The following GLIS1 variants were observed in gnomAD, a reference collection of about 807,000 sequenced individuals.
The protein encoded by GLIS1 is GLIS family zinc finger 1, also known as zinc finger protein GLIS1.
Under a neutral mutation model 63.8 loss-of-function variants are expected in GLIS1, and 24 were observed. That is an observed-to-expected ratio of 0.38 (90% CI 0.27 to 0.53). The LOEUF (loss-of-function observed/expected upper bound fraction) is 0.53. Among genes scored for constraint, GLIS1 ranks in the 20% least tolerant of loss-of-function variants. GLIS1 has a pLI of 0.85. For missense variants in GLIS1, 1,036 were observed against 1,074.1 expected (o/e 0.96, Z 0.50); for synonymous variants, 450 against 482.5 (o/e 0.93, Z 0.88).
intron 4 of GLIS1, among the ~76,000 whole-genome samples, chr1:53,571,000 C>A (rs1200830774): frequency 6.6e-6 from 1 of 151,970 alleles, no homozygotes; most frequent in African/African-American, 2.4e-5. Flanking sequence ...AAAAAAAATA[C>A]CATCAGGAAA....
At chr1:53,596,877 C>CTGCAG (rs1198719069) in intron 3 of GLIS1, among the ~76,000 whole-genome samples, 2 of 152,108 alleles carry the variant, frequency 1.3e-5, no homozygotes, top group Admixed American at 6.5e-5. Context: ...GGCTCAGGAA[C>CTGCAG]TGCAGTCTGA....
chr1:53,512,810 C>T (rs1198508015), intron 8 of GLIS1, among the ~76,000 whole-genome samples: 1 of 151,820 alleles, frequency 6.6e-6, no homozygotes, highest in African/African-American at 2.4e-5. Context: ...GCCCAAGCAG[C>T]GAACGGCCTT....
At chr1:53,643,036 T>A (rs1158308418) in intron 2 of GLIS1, among the ~76,000 whole-genome samples, 2 of 152,208 alleles carry the variant, frequency 1.3e-5, no homozygotes, top group Admixed American at 1.3e-4. Flanking sequence ...GCCTGCAGAC[T>A]GTGGTCTGAG....
chr1:53,672,288 T>C (rs556771457), intron 2 of GLIS1, among the ~76,000 whole-genome samples: 1 of 152,180 alleles, frequency 6.6e-6, no homozygotes, highest in African/African-American at 2.4e-5. Flanking sequence ...CTGGCCTCCA[T>C]CACCTTGGGC....
At chr1:53,579,706 A>ATGGGGGCAGCCG (rs1209621990) in intron 4 of GLIS1, among the ~76,000 whole-genome samples, 1 of 152,324 alleles carries the variant, frequency 6.6e-6, no homozygotes, top group Non-Finnish European at 1.5e-5. Flanking sequence ...GGGGGCAGCC[A>ATGGGGGCAGCCG]TGGGGGCAGC....
chr1:53,560,906 C>T lies in GLIS1; in HGVS notation c.1321-30954G>A, dbSNP rs766184452. Among the ~76,000 whole-genome samples the T allele has an allele frequency of 3.1e-4, 47 of 152,182 alleles. No homozygotes were observed. The highest frequency in any genetic ancestry group is 6.3e-4 in the Non-Finnish European group (43 of 68,032). ...CCACTGGTATCCCACCCCGCCCTGC[C>T]CACAGCCAGGCAGCCAGGCAGAGCT... is the stretch of plus-strand genomic sequence containing the variant. On this transcript the variant is annotated intron_variant, in intron 4 of 10. Transcript: ENST00000628545. This position sits in a 1 kb window ranked among gnomAD's most constrained non-coding sequence, Gnocchi z 4.4.
At chr1:53,581,317 G>A (rs372343145) in intron 4 of GLIS1, among the ~76,000 whole-genome samples, 2 of 152,104 alleles carry the variant, frequency 1.3e-5, no homozygotes, top group East Asian at 3.9e-4. Flanking sequence ...CCCTCAACAC[G>A]ACCCTGTGAG....
At chr1:53,718,891 A>G (rs1469660947) in intron 2 of GLIS1, among the ~76,000 whole-genome samples, 4 of 152,144 alleles carry the variant, frequency 2.6e-5, no homozygotes, top group African/African-American at 9.7e-5. Flanking sequence ...CCCTCCCCTC[A>G]GGCCTGCCAG....
At position 53,526,130 on chromosome 1, in the gene GLIS1, G is replaced by A. The variant is rs779155214; in HGVS notation, c.1483-1243C>T. ...GCCTCTGCCCTGCTGGGACTGCAGG[G>A]GACAGGAGAAGGATTGGAGGAAATG... On this transcript the variant is annotated intron_variant, in intron 5 of 10. Coordinates refer to ENST00000628545, the MANE Select transcript of GLIS1 (RefSeq NM_001367484.1). The surrounding 1 kb of genome is among the most constrained non-coding windows in gnomAD (Gnocchi z 4.4). Among the ~76,000 whole-genome samples the A allele has an allele frequency of 6.6e-6, 1 of 152,144 alleles. No homozygotes were observed. Among genetic ancestry groups the A allele is most frequent in the Middle Eastern group, 3.2e-3 (1 of 316 alleles).
Position 53,690,045 on chromosome 1 carries a change from C to T in GLIS1, c.259+47761G>A, listed in dbSNP as rs184417245. Among the ~76,000 whole-genome samples, 281 of 152,360 alleles carry T rather than the reference C, an allele frequency of 1.8e-3. 2 individuals are homozygous for T. Among genetic ancestry groups the T allele is most frequent in the African/African-American group, 6.5e-3 (270 of 41,598 alleles). ...CTGGGCTCCCTGACCCTGAGTCACA[C>T]TGTGTGGTCATTATCTGATACCTGG... On this transcript the variant is annotated intron_variant, in intron 2 of 10. Transcript: ENST00000628545.
intron 8 of GLIS1, among the ~76,000 whole-genome samples, chr1:53,512,071 T>C (rs1217355136): frequency 6.6e-6 from 1 of 152,204 alleles, no homozygotes; most frequent in Non-Finnish European, 1.5e-5. Flanking sequence ...GGAAAAAACA[T>C]GTGTTTTCAA....
intron 7 of GLIS1, among the ~76,000 whole-genome samples, chr1:53,519,313 CCCCTGGA>C (rs894474157): frequency 2.8e-4 from 42 of 152,230 alleles, no homozygotes; most frequent in Non-Finnish European, 5.0e-4. Flanking sequence ...TGAGCACAAA[CCCCTGGA>C]AAGGGGGACC....
At chr1:53,563,815 G>C (rs1644912475) in intron 4 of GLIS1, among the ~76,000 whole-genome samples, 1 of 152,182 alleles carries the variant, frequency 6.6e-6, no homozygotes, top group Non-Finnish European at 1.5e-5. Context: ...AGGAAACACA[G>C]ACACCCATAA....
Position 53,679,686 on chromosome 1 carries a change from C to T in GLIS1, c.259+58120G>A, listed in dbSNP as rs550155143. On this transcript the variant is annotated intron_variant, in intron 2 of 10. Transcript: ENST00000628545. ...CTCAAAGTCAGCCATGCCTCCTGGACGGGCCCCTTGGCTGCTCTGAGCATG... is the reference window on the plus strand; with the variant it reads ...CTCAAAGTCAGCCATGCCTCCTGGATGGGCCCCTTGGCTGCTCTGAGCATG... 8.5e-5 allele frequency among the ~76,000 whole-genome samples: 13 copies of T among 152,324 alleles called. No homozygotes were observed. The East Asian group carries it at 9.6e-4, about 11-fold the overall frequency.
intron 4 of GLIS1, among the ~76,000 whole-genome samples, chr1:53,535,692 A>G (rs746182618): frequency 6.6e-6 from 1 of 151,684 alleles, no homozygotes; most frequent in Non-Finnish European, 1.5e-5. Flanking sequence ...GCCCTAATCC[A>G]CACCCCAGCA....
At chr1:53,512,933 G>A (rs796741396) in intron 8 of GLIS1, among the ~76,000 whole-genome samples, 3 of 152,294 alleles carry the variant, frequency 2.0e-5, no homozygotes, top group African/African-American at 7.2e-5. Flanking sequence ...CCTGTGCCAG[G>A]TGAGGCACAC....
intron 2 of GLIS1, among the ~76,000 whole-genome samples, chr1:53,633,391 ATGAG>A (rs1160519526): frequency 6.2e-5 from 8 of 128,900 alleles, no homozygotes; most frequent in Admixed American, 4.8e-4. Context: ...GGGCTTGTGA[ATGAG>A]TGTGACTGAG....
At chr1:53,543,334 C>T (rs748696387) in intron 4 of GLIS1, among the ~76,000 whole-genome samples, 83 of 152,166 alleles carry the variant, frequency 5.5e-4, no homozygotes, top group Non-Finnish European at 9.8e-4. Context: ...GCTACTCTTT[C>T]GGCGGACTGC....
intron 2 of GLIS1, among the ~76,000 whole-genome samples, chr1:53,618,164 G>T (rs971945683): frequency 1.3e-5 from 2 of 152,228 alleles, no homozygotes; most frequent in Admixed American, 1.3e-4. Flanking sequence ...AGCAGAGAGG[G>T]TTTGAGAACC....
Sources: gnomAD v4.1 joint callset for allele counts (sites outside exome capture counted in the v4.1 genomes callset) on GRCh38, gnomAD v4.1.1 for gene constraint, Gnocchi (gnomAD v3.1) non-coding constraint, MANE v1.5 for transcripts, NCBI Gene and HGNC (gene_info 2026-07-23, HGNC 2026-07-21) for gene names.